PDE1A: variants seen among roughly 807,000 people sequenced by gnomAD.
PDE1A encodes dual specificity calcium/calmodulin-dependent 3',5'-cyclic nucleotide phosphodiesterase 1A.
PDE1A carries 35 observed loss-of-function variants against 61.7 expected under a neutral mutation model. The observed-to-expected ratio is 0.57, with a 90% CI of 0.43 to 0.75. The LOEUF (loss-of-function observed/expected upper bound fraction) is 0.75, where lower values mean the gene tolerates loss of function less well. Ranked by LOEUF, PDE1A falls within the 30% of genes least tolerant of loss-of-function variation. The pLI, the probability that PDE1A is intolerant of heterozygous loss-of-function variation, is 0.00. For missense variants in PDE1A, 597 were observed against 630.6 expected (o/e 0.95, Z 0.57); for synonymous variants, 232 against 213.2 (o/e 1.09, Z -0.77).
At chr2:182,306,136 T>A (rs1695568250) in intron 1 of PDE1A, among the ~76,000 whole-genome samples, 2 of 152,138 alleles carry the variant, frequency 1.3e-5, no homozygotes, top group African/African-American at 4.8e-5. Context: ...GTAGTATTAG[T>A]TTTTCCTTGC....
At chr2:182,527,681 T>C (rs930731238), upstream of PDE1A, among the ~76,000 whole-genome samples, 1 of 152,022 alleles carries the variant, frequency 6.6e-6, no homozygotes, top group Non-Finnish European at 1.5e-5. Context: ...CTAATGTACA[T>C]GTCTAATATG....
chr2:182,163,995 T>A (rs1271887842), downstream of PDE1A, among the ~76,000 whole-genome samples: 1 of 152,198 alleles, frequency 6.6e-6, no homozygotes, highest in African/African-American at 2.4e-5. Flanking sequence ...ACTACTCTCC[T>A]TTTGCGAGGT....
chr2:182,402,283 G>C (rs879219273), intron 1 of PDE1A, among the ~76,000 whole-genome samples: 1 of 152,050 alleles, frequency 6.6e-6, no homozygotes, highest in Admixed American at 6.6e-5. Context: ...TATACTACAA[G>C]GCTACAGTAA....
At chr2:182,503,664 C>A (rs1689229009) in intron 2 of PDE1A, among the ~76,000 whole-genome samples, 1 of 152,144 alleles carries the variant, frequency 6.6e-6, no homozygotes, top group African/African-American at 2.4e-5. Flanking sequence ...TCTTTCTTCA[C>A]AAGTCACCAT....
chr2:182,447,511 A>G (rs1167112235), intron 2 of PDE1A, among the ~76,000 whole-genome samples: 1 of 152,088 alleles, frequency 6.6e-6, no homozygotes, highest in East Asian at 1.9e-4. Flanking sequence ...GTAGACCACC[A>G]ACAAGTAAAG....
At chr2:182,619,062 C>A in the PDE1A span, among the ~76,000 whole-genome samples, 1 of 150,346 alleles carries the variant, frequency 6.7e-6, no homozygotes, top group South Asian at 2.1e-4. Context: ...GGCGGGTGAG[C>A]GGGGGCAGGG....
intron 2 of PDE1A, among the ~76,000 whole-genome samples, chr2:182,263,708 G>T (rs527320845): frequency 6.6e-6 from 1 of 152,182 alleles, no homozygotes; most frequent in African/African-American, 2.4e-5. Flanking sequence ...ATATCCTCCA[G>T]GGGGTGAACA....
At chr2:182,426,873 C>A in exon 1 of PDE1A, 1 of 1,297,350 alleles carries the variant, frequency 7.7e-7, no homozygotes. Flanking sequence ...TGTGCAAAAA[C>A]CACCAAGAGT....
At chr2:182,652,910 T>A in the PDE1A span, among the ~76,000 whole-genome samples, 7 of 152,332 alleles carry the variant, frequency 4.6e-5, no homozygotes, top group South Asian at 1.2e-3. Flanking sequence ...AGTTCTTAGT[T>A]GTTTTGTTCT....
intron 2 of PDE1A, among the ~76,000 whole-genome samples, chr2:182,482,007 T>C (rs1344897205): frequency 1.3e-5 from 2 of 151,958 alleles, no homozygotes; most frequent in Non-Finnish European, 2.9e-5. Flanking sequence ...TGAGATCCCC[T>C]GATTCTAACA....
the PDE1A span, among the ~76,000 whole-genome samples, chr2:182,537,949 A>C: frequency 6.6e-6 from 1 of 152,096 alleles, no homozygotes; most frequent in Non-Finnish European, 1.5e-5. Context: ...TTCAAGACTG[A>C]AGCTCTTGAA....
intron 1 of PDE1A, among the ~76,000 whole-genome samples, chr2:182,294,272 TAATC>T (rs1041229888): frequency 7.9e-5 from 12 of 152,344 alleles, no homozygotes; most frequent in African/African-American, 2.9e-4. Flanking sequence ...AAATGTAAAT[TAATC>T]AGAGAGCAAT....
At chr2:182,655,841 G>A in the PDE1A span, among the ~76,000 whole-genome samples, 1 of 152,120 alleles carries the variant, frequency 6.6e-6, no homozygotes, top group African/African-American at 2.4e-5. Context: ...ATCTAATTTA[G>A]GAAACCTGCC....
intron 10 of PDE1A, among the ~76,000 whole-genome samples, chr2:182,194,371 T>C (rs1392982852): frequency 6.6e-6 from 1 of 152,148 alleles, no homozygotes; most frequent in Non-Finnish European, 1.5e-5. Flanking sequence ...CAATGATTAC[T>C]TTTTTGGCTG....
At chr2:182,229,050 G>A (rs1409909685) in intron 6 of PDE1A, among the ~76,000 whole-genome samples, 2 of 151,836 alleles carry the variant, frequency 1.3e-5, no homozygotes, top group East Asian at 3.9e-4. Flanking sequence ...TAATTCTGAG[G>A]GTAAAACCAC....
intron 1 of PDE1A, among the ~76,000 whole-genome samples, chr2:182,348,515 T>G (rs981380130): frequency 3.3e-5 from 5 of 152,130 alleles, no homozygotes; most frequent in African/African-American, 1.2e-4. Flanking sequence ...TCTCTCATGG[T>G]TCAGGGAATT....
chr2:182,456,364 T>G (rs915511836), intron 2 of PDE1A, among the ~76,000 whole-genome samples: 3 of 152,092 alleles, frequency 2.0e-5, no homozygotes. Context: ...AGTCACTGTA[T>G]TGACACAAAG....
At chr2:182,419,494 T>G (rs945208903) in intron 1 of PDE1A, among the ~76,000 whole-genome samples, 3 of 151,974 alleles carry the variant, frequency 2.0e-5, no homozygotes, top group Admixed American at 6.6e-5. Context: ...TGCCACCACA[T>G]CCGGCTAATT....
chr2:182,316,269 T>C (rs1170268752), intron 1 of PDE1A, among the ~76,000 whole-genome samples: 2 of 152,226 alleles, frequency 1.3e-5, no homozygotes, highest in Non-Finnish European at 2.9e-5. Flanking sequence ...TAATGTTTTA[T>C]AAAGTTGTAG....
Sources: gnomAD v4.1 joint callset for allele counts (sites outside exome capture counted in the v4.1 genomes callset) on GRCh38, gnomAD v4.1.1 for gene constraint, MANE v1.5 for transcripts, NCBI Gene and HGNC (gene_info 2026-07-23, HGNC 2026-07-21) for gene names.